Variants in PDZRN3 observed in about 807,000 individuals in gnomAD.
PDZRN3 encodes the protein PDZ domain containing ring finger 3, also known as E3 ubiquitin-protein ligase PDZRN3.
In PDZRN3, 38 loss-of-function variants were observed where a neutral mutation model predicts 85.7. The ratio of observed to expected loss-of-function variants is 0.44; its 90% CI spans 0.34 to 0.58. PDZRN3 has a LOEUF of 0.58. PDZRN3 is among the 20% of genes least tolerant of loss of function. PDZRN3 has a pLI of 0.01. For missense variants in PDZRN3, 1,629 were observed against 1,506.4 expected, an observed-to-expected ratio of 1.08 and a Z score of -1.35; for synonymous variants, 759 against 638.0, an observed-to-expected ratio of 1.19 and a Z score of -2.86.
Position 73,399,983 on chromosome 3 carries a change from C to A in PDZRN3, c.1254+939G>T, listed in dbSNP as rs189563850. Among the ~76,000 whole-genome samples, 87 of 152,328 alleles carry A rather than the reference C, an allele frequency of 5.7e-4. 1 individual carries two copies. The highest frequency in any genetic ancestry group is 2.1e-3 in the African/African-American group (86 of 41,570). ...GCTGTTTTCTACTATTTGACTGCTT[C>A]TGTCCTTGCACAGAACCTACTGCCA... On this transcript the variant is annotated intron_variant, in intron 5 of 9. Transcript: ENST00000263666.
intron 3 of PDZRN3, among the ~76,000 whole-genome samples, chr3:73,553,463 C>A (rs1423707231): frequency 6.6e-6 from 1 of 151,980 alleles, no homozygotes; most frequent in African/African-American, 2.4e-5. Context: ...GTAATCCCAG[C>A]TACTCGGGAG....
At position 73,619,930 on chromosome 3, in the gene PDZRN3, G is replaced by A. The variant is rs370155714; in HGVS notation, c.723+4173C>T. ...TCCAGGCAAGAGTGTCTGAGACAAA[G>A]GCCAATTTTGCCCCTCAAGGGACGT... On this transcript the variant is annotated intron_variant, in intron 1 of 9. Transcript: ENST00000263666. Among the ~76,000 whole-genome samples, 56 of 152,350 alleles carry A rather than the reference G, an allele frequency of 3.7e-4. No homozygotes were observed. The South Asian group carries it at 0.011, about 29-fold the overall frequency.
chr3:73,414,841 T>A (rs1702043933), intron 3 of PDZRN3, among the ~76,000 whole-genome samples: 1 of 152,206 alleles, frequency 6.6e-6, no homozygotes, highest in Non-Finnish European at 1.5e-5. Flanking sequence ...TAATTCTACA[T>A]CAGCGATAAA....
intron 1 of PDZRN3, among the ~76,000 whole-genome samples, chr3:73,622,692 A>C (rs1463284610): frequency 1.3e-5 from 2 of 152,220 alleles, no homozygotes; most frequent in African/African-American, 4.8e-5. Context: ...AATATGCCCC[A>C]AAACTGAGAA....
At chr3:73,608,540 G>C in intron 2 of PDZRN3, 58 bp downstream of exon 2, 1 of 1,176,396 alleles carries the variant, frequency 8.5e-7, no homozygotes, top group Non-Finnish European at 1.3e-6. Flanking sequence ...TTCAAACCTT[G>C]ACCTCTCTTT....
At chr3:73,564,349 C>A (rs1024913008) in intron 3 of PDZRN3, among the ~76,000 whole-genome samples, 4 of 152,162 alleles carry the variant, frequency 2.6e-5, no homozygotes, top group Non-Finnish European at 4.4e-5. Context: ...AAACCAGCAC[C>A]TGGGTTTGTT....
intron 3 of PDZRN3, among the ~76,000 whole-genome samples, chr3:73,518,850 C>T (rs763429555): frequency 1.9e-4 from 29 of 152,198 alleles, no homozygotes; most frequent in African/African-American, 5.3e-4. Context: ...CCAATCCCCA[C>T]GTCCTAACAC....
At chr3:73,390,020 G>C (rs564161866) in intron 6 of PDZRN3, 142 bp from the exon 7 acceptor site, 3 of 687,762 alleles carry the variant, frequency 4.4e-6, no homozygotes, top group Admixed American at 4.3e-5. Context: ...ACTTAGTGTC[G>C]TGCAAGGAGA....
chr3:73,426,758 C>G (rs1480405908), intron 3 of PDZRN3, among the ~76,000 whole-genome samples: 1 of 152,140 alleles, frequency 6.6e-6, no homozygotes, highest in Non-Finnish European at 1.5e-5. Context: ...TTGCTGGGCC[C>G]CACCCCAGCG....
intron 3 of PDZRN3, among the ~76,000 whole-genome samples, chr3:73,477,239 CTAT>C (rs1703475741): frequency 6.6e-6 from 1 of 152,116 alleles, no homozygotes; most frequent in Admixed American, 6.6e-5. Flanking sequence ...GCTATAAAGA[CTAT>C]TATTATACCC....
intron 5 of PDZRN3, among the ~76,000 whole-genome samples, chr3:73,397,593 T>C (rs1701666058): frequency 6.6e-6 from 1 of 152,232 alleles, no homozygotes; most frequent in Non-Finnish European, 1.5e-5. Context: ...GACACACCTC[T>C]GAAACAGAGC....
chr3:73,541,278 G>A (rs59588603), intron 3 of PDZRN3, among the ~76,000 whole-genome samples: 4,806 of 152,092 alleles, frequency 0.032, 237 homozygotes, highest in African/African-American at 0.11. Context: ...TAGAAAGTCC[G>A]GAAAATTTAA....
chr3:73,407,007 A>G (rs914697368), intron 3 of PDZRN3, among the ~76,000 whole-genome samples: 1 of 152,196 alleles, frequency 6.6e-6, no homozygotes, highest in African/African-American at 2.4e-5. Context: ...TTACCTTTCT[A>G]CCAGATCCTA....
intron 3 of PDZRN3, among the ~76,000 whole-genome samples, chr3:73,415,315 T>C (rs986609076): frequency 5.9e-5 from 9 of 152,152 alleles, no homozygotes; most frequent in African/African-American, 1.9e-4. Context: ...GGAGAAAACC[T>C]GGTACAACTG....
Position 73,402,941 on chromosome 3 carries a change from C to CTTTTTTTTTTTTTTT in PDZRN3, c.1166+1192_1166+1206dup, listed in dbSNP as rs140037400. ...GATGTGCAAAGTCACACATGAAAAG[C>CTTTTTTTTTTTTTTT]TTTTTTTTTTTTTTTTTTTTGAGAC... On this transcript the variant is annotated intron_variant, in intron 4 of 9. Transcript: ENST00000263666. 5.4e-4 allele frequency among the ~76,000 whole-genome samples: 63 copies of CTTTTTTTTTTTTTTT among 115,640 alleles called. 3 individuals are homozygous for CTTTTTTTTTTTTTTT. The highest frequency in any genetic ancestry group is 9.3e-4 in the African/African-American group (25 of 26,744). 75.9% of individuals were successfully genotyped at this position (115,640 alleles called of 152,430 possible). A position where few individuals can be genotyped will look rare whatever the true frequency, so the allele number is the denominator to read the frequency against.
chr3:73,489,590 TGAGATGGAGTCTCA>T (rs1703733018), intron 3 of PDZRN3, among the ~76,000 whole-genome samples: 21 of 146,230 alleles, frequency 1.4e-4, no homozygotes, highest in Non-Finnish European at 2.3e-4. Flanking sequence ...TTTTTTTTTT[TGAGATGGAGTCTCA>T]TTCTTTTACC....
At chr3:73,563,467 A>T (rs755982583) in intron 3 of PDZRN3, among the ~76,000 whole-genome samples, 13 of 152,156 alleles carry the variant, frequency 8.5e-5, no homozygotes, top group Non-Finnish European at 1.9e-4. Context: ...CTAAAACCTT[A>T]TATTTTTTAA....
At chr3:73,444,233 C>T (rs1271217242) in intron 3 of PDZRN3, among the ~76,000 whole-genome samples, 1 of 152,180 alleles carries the variant, frequency 6.6e-6, no homozygotes, top group African/African-American at 2.4e-5. Context: ...TCCATCCTTC[C>T]AATCCCATGC....
In PDZRN3 at chr3:73,389,332, T is replaced by C. The variant is rs188330740; in HGVS notation, c.1416+484A>G. On this transcript the variant is annotated intron_variant, in intron 7 of 9. Transcript: ENST00000263666. Reference sequence around the variant, plus strand: ...TAGAAGCGATTCCAGGATGGTTAGATGTTGAGTCAGAAAATTTCTAAGACT... The same window carrying C: ...TAGAAGCGATTCCAGGATGGTTAGACGTTGAGTCAGAAAATTTCTAAGACT... Among the ~76,000 whole-genome samples, 284 of 152,272 alleles carry C rather than the reference T, an allele frequency of 1.9e-3. 2 individuals carry two copies. The highest frequency in any genetic ancestry group is 6.4e-3 in the African/African-American group (267 of 41,542).
Sources: gnomAD v4.1 joint callset for allele counts (sites outside exome capture counted in the v4.1 genomes callset) on GRCh38, gnomAD v4.1.1 for gene constraint, MANE v1.5 for transcripts, NCBI Gene and HGNC (gene_info 2026-07-23, HGNC 2026-07-21) for gene names.